The following GRID2 variants were observed in gnomAD, a reference collection of about 807,000 sequenced individuals.
The protein encoded by GRID2 is glutamate receptor ionotropic, delta-2.
GRID2 carries 33 observed loss-of-function variants against 114.8 expected under a neutral mutation model. The observed-to-expected ratio is 0.29, with a 90% CI of 0.22 to 0.38. The LOEUF (loss-of-function observed/expected upper bound fraction) is 0.38. Among genes scored for constraint, GRID2 ranks in the 10% least tolerant of loss-of-function variants. The probability of loss-of-function intolerance (pLI) is 1.00; values close to 1 mark genes in which losing one functional copy is unlikely to be tolerated. For missense variants in GRID2, 1,184 were observed against 1,257.7 expected (o/e 0.94, Z 0.89); for synonymous variants, 505 against 449.9 (o/e 1.12, Z -1.55).
chr4:93,255,653 G>C (rs527746329), intron 8 of GRID2, among the ~76,000 whole-genome samples: 1 of 151,934 alleles, frequency 6.6e-6, no homozygotes, highest in Non-Finnish European at 1.5e-5. Flanking sequence ...TGTGCGAAGG[G>C]GTTATTATAA....
At chr4:93,596,467 A>G (rs1331019367) in intron 13 of GRID2, among the ~76,000 whole-genome samples, 1 of 151,994 alleles carries the variant, frequency 6.6e-6, no homozygotes, top group African/African-American at 2.4e-5. Flanking sequence ...AGTCCCAGCT[A>G]CTCGGGAGGC....
chr4:93,498,625 G>T (rs573306185), intron 12 of GRID2, among the ~76,000 whole-genome samples: 9 of 151,738 alleles, frequency 5.9e-5, no homozygotes, highest in Non-Finnish European at 1.3e-4. Context: ...GATTTCCTAG[G>T]TATAATTTGT....
intron 1 of GRID2, among the ~76,000 whole-genome samples, chr4:92,540,380 T>A (rs1190349199): frequency 6.6e-6 from 1 of 151,956 alleles, no homozygotes; most frequent in Non-Finnish European, 1.5e-5. Context: ...TGGGAGAAAA[T>A]TTTTGCAATC....
intron 2 of GRID2, among the ~76,000 whole-genome samples, chr4:93,057,154 A>C (rs1427338036): frequency 2.4e-5 from 3 of 127,360 alleles, no homozygotes; most frequent in Non-Finnish European, 3.3e-5. Flanking sequence ...GTGAGTGTGT[A>C]TGTGTGTCTG....
intron 1 of GRID2, among the ~76,000 whole-genome samples, chr4:92,432,665 A>G (rs1260476374): frequency 6.6e-6 from 1 of 152,096 alleles, no homozygotes; most frequent in Non-Finnish European, 1.5e-5. Flanking sequence ...GGCACAGTGC[A>G]AGTCCAGAAA....
chr4:93,623,773 T>C (rs2149686210), intron 13 of GRID2, among the ~76,000 whole-genome samples: 1 of 152,330 alleles, frequency 6.6e-6, no homozygotes, highest in African/African-American at 2.4e-5. Flanking sequence ...CTTTATAACA[T>C]GTCTCATTAC....
chr4:92,979,179 A>T (rs749093289), intron 2 of GRID2, among the ~76,000 whole-genome samples: 1 of 152,132 alleles, frequency 6.6e-6, no homozygotes, highest in Non-Finnish European at 1.5e-5. Context: ...AGGCATTACT[A>T]ACAAAAAAAC....
At chr4:92,607,961 CTT>C (rs1729538235) in intron 2 of GRID2, among the ~76,000 whole-genome samples, 1 of 151,604 alleles carries the variant, frequency 6.6e-6, no homozygotes, top group Non-Finnish European at 1.5e-5. Context: ...AAAGAGGTGA[CTT>C]ATAACTAAGG....
intron 10 of GRID2, among the ~76,000 whole-genome samples, chr4:93,423,661 T>C (rs1768557611): frequency 6.6e-6 from 1 of 152,154 alleles, no homozygotes; most frequent in Non-Finnish European, 1.5e-5. Flanking sequence ...CTAATCAAGA[T>C]AGGTATGTAC....
At chr4:92,529,375 A>C (rs745720265) in intron 1 of GRID2, among the ~76,000 whole-genome samples, 1 of 152,104 alleles carries the variant, frequency 6.6e-6, no homozygotes, top group Non-Finnish European at 1.5e-5. Flanking sequence ...GTTTAAGGGA[A>C]CAAATACACA....
chr4:93,495,129 C>A (rs1727401709), intron 12 of GRID2, among the ~76,000 whole-genome samples: 1 of 151,704 alleles, frequency 6.6e-6, no homozygotes, highest in Non-Finnish European at 1.5e-5. Flanking sequence ...AACATCCCAC[C>A]ATATTTTTGT....
intron 1 of GRID2, among the ~76,000 whole-genome samples, chr4:92,453,031 A>G (rs897246274): frequency 1.3e-5 from 2 of 151,624 alleles, no homozygotes; most frequent in African/African-American, 2.4e-5. Flanking sequence ...CTACTTATGA[A>G]TATGTGGCAT....
At position 93,608,947 on chromosome 4, in the gene GRID2, A is replaced by G. The variant is rs901553725; in HGVS notation, c.2194-17322A>G. ...CCACCAACAGTGTCAAAGTGTTCCT[A>G]TTTCTCCACATCCTCTCCAGCACCT... is the stretch of plus-strand genomic sequence containing the variant. On this transcript the variant is annotated intron_variant, in intron 13 of 15. Coordinates refer to ENST00000282020, the MANE Select transcript of GRID2 (RefSeq NM_001510.4). 1.3e-4 allele frequency among the ~76,000 whole-genome samples: 16 copies of G among 125,330 alleles called. 2 individuals carry two copies. The highest frequency in any genetic ancestry group is 4.9e-4 in the African/African-American group (16 of 32,920). 82.2% of individuals were successfully genotyped at this position (125,330 alleles called of 152,430 possible). A position where few individuals can be genotyped will look rare whatever the true frequency, so the allele number is the denominator to read the frequency against.
intron 14 of GRID2, among the ~76,000 whole-genome samples, chr4:93,684,242 A>T (rs944874860): frequency 6.6e-6 from 1 of 152,024 alleles, no homozygotes; most frequent in Non-Finnish European, 1.5e-5. Flanking sequence ...TTTTTGGAGG[A>T]TGTTTTCTTT....
chr4:93,551,411 T>G (rs528530581), intron 13 of GRID2, among the ~76,000 whole-genome samples: 5 of 152,226 alleles, frequency 3.3e-5, no homozygotes, highest in Non-Finnish European at 5.9e-5. Context: ...TGGGACAGTC[T>G]GCCCAGAAGA....
At chr4:92,448,725 A>G (rs189482395) in intron 1 of GRID2, among the ~76,000 whole-genome samples, 5 of 152,262 alleles carry the variant, frequency 3.3e-5, no homozygotes, top group Admixed American at 3.3e-4. Context: ...AATTTCAATT[A>G]TTAAAATCAA....
intron 10 of GRID2, among the ~76,000 whole-genome samples, chr4:93,423,170 G>A (rs928331153): frequency 6.6e-6 from 1 of 151,986 alleles, no homozygotes; most frequent in Non-Finnish European, 1.5e-5. Context: ...AAGAAAAGTA[G>A]TTGACAAAAT....
chr4:92,822,215 A>G (rs1741334784), intron 2 of GRID2: 3 of 506,714 alleles, frequency 5.9e-6, no homozygotes, highest in East Asian at 5.3e-5. Flanking sequence ...AGCACAGGGC[A>G]TTGATGATAT....
chr4:93,180,331 A>T (rs895794594), intron 4 of GRID2, among the ~76,000 whole-genome samples: 1 of 152,168 alleles, frequency 6.6e-6, no homozygotes, highest in African/African-American at 2.4e-5. Flanking sequence ...ACATAGGGCC[A>T]TTAGAAATAA....
Sources: gnomAD v4.1 joint callset for allele counts (sites outside exome capture counted in the v4.1 genomes callset) on GRCh38, gnomAD v4.1.1 for gene constraint, MANE v1.5 for transcripts, NCBI Gene and HGNC (gene_info 2026-07-23, HGNC 2026-07-21) for gene names.